Variants in EFCAB5 observed in about 807,000 individuals in gnomAD.
EFCAB5 encodes EF-hand calcium-binding domain-containing protein 5.
EFCAB5 carries 131 observed loss-of-function variants against 167.9 expected under a neutral mutation model. That is an observed-to-expected ratio of 0.78 (90% CI 0.68 to 0.90). The LOEUF is 0.90. Among genes scored for constraint, EFCAB5 ranks in the 40% least tolerant of loss-of-function variants. The probability of loss-of-function intolerance (pLI) is 0.00; values close to 1 mark genes in which losing one functional copy is unlikely to be tolerated. For synonymous variants in EFCAB5, 574 were observed against 602.8 expected (o/e 0.95, Z 0.70); for missense variants, 1,663 against 1,745.2 (o/e 0.95, Z 0.84).
intron 14 of EFCAB5, among the ~76,000 whole-genome samples, chr17:30,067,323 A>C (rs1485594095): frequency 6.6e-6 from 1 of 152,188 alleles, no homozygotes; most frequent in Admixed American, 6.5e-5. Flanking sequence ...CACACAGAGA[A>C]TAAAAGAAAG....
chr17:30,002,511 G>C lies in EFCAB5; in HGVS notation c.1044+2535G>C, dbSNP rs938370357. On this transcript the variant is annotated intron_variant, in intron 7 of 22. Transcript: ENST00000394835. ...CTTCCTTTAAGTCATTTTCCACTTT[G>C]CCAATTAAAACATCATTGTCTGAAA... 3.9e-5 allele frequency among the ~76,000 whole-genome samples: 6 copies of C among 152,102 alleles called. No homozygotes were observed. The East Asian group carries it at 1.2e-3, about 29-fold the overall frequency.
chr17:29,996,442 A>T (rs1407440887), intron 6 of EFCAB5, 82 bp downstream of exon 6: 5 of 1,182,360 alleles, frequency 4.2e-6, no homozygotes, highest in Non-Finnish European at 6.0e-6. Flanking sequence ...AAGAGTCAAC[A>T]TGAGACAGAT....
At chr17:30,061,993 C>A (rs2070437667) in intron 14 of EFCAB5, among the ~76,000 whole-genome samples, 1 of 152,156 alleles carries the variant, frequency 6.6e-6, no homozygotes, top group Non-Finnish European at 1.5e-5. Context: ...CATTTTTTCC[C>A]CATTACTTTT....
chr17:30,107,667 T>C (rs2071466321), intron 22 of EFCAB5, among the ~76,000 whole-genome samples, 167 bp from the exon 23 acceptor site: 1 of 152,198 alleles, frequency 6.6e-6, no homozygotes, highest in Non-Finnish European at 1.5e-5. Flanking sequence ...TGTATGACTA[T>C]ACCAAAATTT....
intron 22 of EFCAB5, among the ~76,000 whole-genome samples, chr17:30,099,418 C>A (rs529750545): frequency 5.9e-5 from 8 of 135,090 alleles, no homozygotes; most frequent in Admixed American, 1.6e-4. Flanking sequence ...CAAAGTAAGA[C>A]TTAATCTCTT....
intron 1 of EFCAB5, 110 bp from the exon 2 acceptor site, chr17:29,942,130 C>A: frequency 2.3e-6 from 2 of 868,306 alleles, no homozygotes; most frequent in East Asian, 2.7e-5. Context: ...GATATTTACT[C>A]ATTATGTGAA....
At chr17:29,993,661 T>C (rs557118958) in intron 5 of EFCAB5, among the ~76,000 whole-genome samples, 15 of 152,348 alleles carry the variant, frequency 9.8e-5, no homozygotes, top group African/African-American at 3.6e-4. Context: ...CTCTTAGCTC[T>C]AGAGAACAAC....
chr17:29,961,937 T>G (rs1488249833), intron 3 of EFCAB5, among the ~76,000 whole-genome samples: 1 of 152,206 alleles, frequency 6.6e-6, no homozygotes, highest in Non-Finnish European at 1.5e-5. Flanking sequence ...TACCACTTCT[T>G]GAAAAGATTA....
chr17:30,052,353 G>T (rs1406584842), intron 9 of EFCAB5, among the ~76,000 whole-genome samples: 3 of 152,006 alleles, frequency 2.0e-5, no homozygotes, highest in Non-Finnish European at 4.4e-5. Context: ...TTTTAGTAGA[G>T]ACGGGGTTTT....
chr17:29,939,180 G>A (rs1399888871), upstream of EFCAB5, among the ~76,000 whole-genome samples: 2 of 152,166 alleles, frequency 1.3e-5, no homozygotes, highest in African/African-American at 4.8e-5. Flanking sequence ...AGGTGACCAA[G>A]TACACTGTCA....
At chr17:29,967,970 G>T (rs1282981570) in intron 3 of EFCAB5, among the ~76,000 whole-genome samples, 1 of 151,350 alleles carries the variant, frequency 6.6e-6, no homozygotes, top group Admixed American at 6.6e-5. Flanking sequence ...GACCTCCAGG[G>T]CTTAAGTGAT....
rs1312167255 is a variant in EFCAB5, at chr17:30,056,225, C to T, written c.2365+69C>T. 12 of 1,402,056 alleles carry T rather than the reference C, an allele frequency of 8.6e-6. No homozygotes were observed. The South Asian group carries it at 1.0e-4, about 12-fold the overall frequency. 86.9% of individuals were successfully genotyped at this position (1,402,056 alleles called of 1,614,324 possible). A position where few individuals can be genotyped will look rare whatever the true frequency, so the allele number is the denominator to read the frequency against. ...GATGGATTTAATTTACTGTGGTACT[C>T]GATGATAAAGACTGAATTTAGCTAA... On this transcript the variant is annotated intron_variant, in intron 12 of 22. Coordinates refer to ENST00000394835, the MANE Select transcript of EFCAB5 (RefSeq NM_198529.4).
chr17:30,030,680 T>C (rs2069457435), intron 7 of EFCAB5, among the ~76,000 whole-genome samples: 1 of 151,460 alleles, frequency 6.6e-6, no homozygotes, highest in Non-Finnish European at 1.5e-5. Flanking sequence ...TTTTTTTTTT[T>C]GAAACAGGGT....
chr17:29,938,126 C>G (rs2067261075), upstream of EFCAB5, among the ~76,000 whole-genome samples: 1 of 151,998 alleles, frequency 6.6e-6, no homozygotes, highest in Admixed American at 6.6e-5. Context: ...ACAGGCAGAC[C>G]TGGGAGATAT....
chr17:30,018,809 A>G (rs980276078), intron 7 of EFCAB5, among the ~76,000 whole-genome samples: 2 of 152,180 alleles, frequency 1.3e-5, no homozygotes, highest in African/African-American at 4.8e-5. Flanking sequence ...TCTATAGCTT[A>G]AAGCAATGGC....
intron 4 of EFCAB5, among the ~76,000 whole-genome samples, chr17:29,985,913 C>T (rs1597622488): frequency 1.3e-5 from 2 of 152,110 alleles, no homozygotes. Context: ...TTTGTTTTTG[C>T]AAGACGATAA....
chr17:30,034,457 A>C, intron 8 of EFCAB5, 72 bp downstream of exon 8: 1 of 1,511,402 alleles, frequency 6.6e-7, no homozygotes, highest in Non-Finnish European at 8.9e-7. Flanking sequence ...CCAGCACTTT[A>C]GGAGGCTGAG....
Position 30,053,755 on chromosome 17 carries a change from G to C in EFCAB5, c.1801G>C (p.Glu601Gln). 1.2e-6 allele frequency: 2 copies of C among 1,613,938 alleles called. No individual in the cohort carries two copies. The highest frequency in any genetic ancestry group is 1.7e-6 in the Non-Finnish European group (2 of 1,179,870). Residue 601 changes from glutamate to glutamine, a missense_variant, in exon 10 of 23, where the codon GAG becomes CAG. Transcript: ENST00000394835. ...AGTTTCAGAACAAGGATCAAGCAGAGAGTCAGTTGCAGAACAAGGGTCACG... is the reference window on the plus strand; with the variant it reads ...AGTTTCAGAACAAGGATCAAGCAGACAGTCAGTTGCAGAACAAGGGTCACG... Reference protein sequence around the residue: ...VSVSEQGSSRESVAEQGSRRE... With the variant: ...VSVSEQGSSRQSVAEQGSRRE...
chr17:30,049,934 C>T (rs995109221), intron 8 of EFCAB5, among the ~76,000 whole-genome samples: 7 of 151,978 alleles, frequency 4.6e-5, no homozygotes, highest in Non-Finnish European at 7.4e-5. Context: ...TGCAGCATTA[C>T]GTTGATATCA....
Sources: allele counts gnomAD v4.1 joint callset (sites outside exome capture counted in the v4.1 genomes callset), GRCh38; gene constraint gnomAD v4.1.1; transcripts MANE v1.5; gene names NCBI Gene and HGNC (gene_info 2026-07-23, HGNC 2026-07-21).